Variants in MAGI2 observed in about 807,000 individuals in gnomAD.
MAGI2 encodes membrane-associated guanylate kinase, WW and PDZ domain-containing protein 2.
A neutral mutation model predicts 133.3 loss-of-function variants in MAGI2; 35 were observed. The ratio of observed to expected loss-of-function variants is 0.26; its 90% confidence interval spans 0.20 to 0.35. MAGI2 has a LOEUF of 0.35. MAGI2 is among the 10% of genes least tolerant of loss of function. MAGI2 has a pLI of 1.00. For missense variants in MAGI2, 1,636 were observed against 1,863.4 expected, an observed-to-expected ratio of 0.88 and a Z score of 2.25; for synonymous variants, 729 against 710.6, an observed-to-expected ratio of 1.03 and a Z score of -0.41.
At chr7:78,649,237 A>AAAAAAG (rs1554512665) in intron 2 of MAGI2, among the ~76,000 whole-genome samples, 1 of 65,486 alleles carries the variant, frequency 1.5e-5, no homozygotes, top group South Asian at 4.1e-4. Context: ...AAAAAAAAAG[A>AAAAAAG]AAAAAAAAGA....
chr7:79,086,999 T>C (rs995506950), intron 1 of MAGI2, among the ~76,000 whole-genome samples: 1 of 151,764 alleles, frequency 6.6e-6, no homozygotes, highest in Non-Finnish European at 1.5e-5. Flanking sequence ...AAAAGAGTTA[T>C]TTGTTAATAA....
At chr7:78,644,685 T>C (rs1810662632) in intron 2 of MAGI2, among the ~76,000 whole-genome samples, 1 of 152,134 alleles carries the variant, frequency 6.6e-6, no homozygotes, top group Non-Finnish European at 1.5e-5. Context: ...GAAATACTTA[T>C]ATTAGAAACG....
At chr7:78,961,929 C>T (rs187055935) in intron 2 of MAGI2, among the ~76,000 whole-genome samples, 165 of 151,982 alleles carry the variant, frequency 1.1e-3, no homozygotes, top group African/African-American at 3.7e-3. Flanking sequence ...ATGGTATAGC[C>T]TATTGCTCCC....
intron 3 of MAGI2, among the ~76,000 whole-genome samples, chr7:78,599,328 C>T (rs1341025671): frequency 6.6e-6 from 1 of 152,056 alleles, no homozygotes; most frequent in Non-Finnish European, 1.5e-5. Context: ...AGATAGATCT[C>T]AAGTGTTCTT....
chr7:78,213,721 T>C (rs1054589934), intron 10 of MAGI2, among the ~76,000 whole-genome samples: 1 of 152,230 alleles, frequency 6.6e-6, no homozygotes, highest in African/African-American at 2.4e-5. Context: ...TCCATTTTTG[T>C]AGGTTACTTT....
rs116701621 is a variant in MAGI2 at position 78,438,382 on chromosome 7, T to C, written c.1045+51379A>G. Among the ~76,000 whole-genome samples the C allele has an allele frequency of 4.8e-3, 726 of 152,270 alleles. 5 individuals carry two copies. Among genetic ancestry groups the C allele is most frequent in the African/African-American group, 0.015 (628 of 41,532 alleles). ...GACAAGTTTGTGTGTTTAGGCACTCTACATCATCTCCCAAATCAGCCTCTA... is the reference window on the plus strand; with the variant it reads ...GACAAGTTTGTGTGTTTAGGCACTCCACATCATCTCCCAAATCAGCCTCTA... On this transcript the variant is annotated intron_variant, in intron 6 of 21. Coordinates refer to ENST00000354212, the MANE Select transcript of MAGI2 (RefSeq NM_012301.4).
intron 1 of MAGI2, among the ~76,000 whole-genome samples, chr7:79,373,883 G>T (rs1372011134): frequency 6.6e-6 from 1 of 151,980 alleles, no homozygotes; most frequent in Non-Finnish European, 1.5e-5. Flanking sequence ...GCTGTTAATT[G>T]TAAAAGTAAA....
chr7:79,077,838 G>A (rs1584874272), intron 1 of MAGI2, among the ~76,000 whole-genome samples: 1 of 152,000 alleles, frequency 6.6e-6, no homozygotes, highest in African/African-American at 2.4e-5. Context: ...AGTCTAATCA[G>A]TGCTAGATAT....
At chr7:79,371,176 T>G (rs1843029200) in intron 1 of MAGI2, among the ~76,000 whole-genome samples, 1 of 152,146 alleles carries the variant, frequency 6.6e-6, no homozygotes, top group African/African-American at 2.4e-5. Flanking sequence ...ATTTTTTTAC[T>G]TAGGAATTTT....
At chr7:78,622,605 C>A (rs1807866896) in intron 3 of MAGI2, among the ~76,000 whole-genome samples, 1 of 151,804 alleles carries the variant, frequency 6.6e-6, no homozygotes, top group South Asian at 2.1e-4. Context: ...AAAATGAAAA[C>A]AAAAAACAAA....
intron 6 of MAGI2, among the ~76,000 whole-genome samples, chr7:78,476,361 A>G (rs10257012): frequency 0.28 from 42,495 of 151,848 alleles, 6,910 homozygotes; most frequent in African/African-American, 0.45. Context: ...AAATTAGAAA[A>G]AGTTGAAAAG....
At chr7:78,279,644 C>T (rs1046958278) in intron 9 of MAGI2, among the ~76,000 whole-genome samples, 7 of 152,030 alleles carry the variant, frequency 4.6e-5, no homozygotes, top group Non-Finnish European at 7.4e-5. Flanking sequence ...AGGAGACTAA[C>T]CCATGTTCCT....
chr7:78,685,226 C>G (rs1030801316), intron 2 of MAGI2, among the ~76,000 whole-genome samples: 9 of 152,142 alleles, frequency 5.9e-5, no homozygotes, highest in Non-Finnish European at 1.2e-4. Flanking sequence ...ATCATTTATT[C>G]CTGGCAGAGT....
chr7:78,654,936 C>T (rs991559607), intron 2 of MAGI2, among the ~76,000 whole-genome samples: 5 of 151,654 alleles, frequency 3.3e-5, no homozygotes, highest in Middle Eastern at 3.4e-3. Context: ...AAATTCAAGA[C>T]CTGTGCCTTG....
chr7:78,611,964 C>T (rs1257444976), intron 3 of MAGI2, among the ~76,000 whole-genome samples: 3 of 152,174 alleles, frequency 2.0e-5, no homozygotes, highest in African/African-American at 7.2e-5. Context: ...AGCTTCTCAT[C>T]CTTCTGTCTT....
chr7:78,818,925 A>C (rs146172468), intron 2 of MAGI2, among the ~76,000 whole-genome samples: 39 of 152,284 alleles, frequency 2.6e-4, no homozygotes, highest in East Asian at 2.5e-3. Context: ...AACTTAACTT[A>C]GTGTCAAATG....
chr7:78,955,540 T>C (rs1272970459), intron 2 of MAGI2, among the ~76,000 whole-genome samples: 1 of 152,124 alleles, frequency 6.6e-6, no homozygotes, highest in Non-Finnish European at 1.5e-5. Flanking sequence ...AAAACATCTA[T>C]ATTTCATTGT....
chr7:78,594,815 G>A (rs1685674400), intron 3 of MAGI2, among the ~76,000 whole-genome samples: 1 of 152,104 alleles, frequency 6.6e-6, no homozygotes, highest in Admixed American at 6.5e-5. Context: ...GGGGGCTAAA[G>A]GAGCTCCCCA....
intron 16 of MAGI2, among the ~76,000 whole-genome samples, chr7:78,156,228 C>T (rs1824371899): frequency 6.6e-6 from 1 of 152,166 alleles, no homozygotes. Flanking sequence ...TCCAGTTGCC[C>T]CCATTGCTGA....
Sources: allele counts gnomAD v4.1 joint callset (sites outside exome capture counted in the v4.1 genomes callset), GRCh38; gene constraint gnomAD v4.1.1; transcripts MANE v1.5; gene names NCBI Gene and HGNC (gene_info 2026-07-23, HGNC 2026-07-21).